Variants in SERAC1 observed in about 807,000 individuals in gnomAD.
SERAC1 encodes serine active site containing 1, also known as protein SERAC1.
Under a neutral mutation model 85.7 loss-of-function variants are expected in SERAC1, and 36 were observed. That is an observed-to-expected ratio of 0.42 (90% CI 0.32 to 0.55). The LOEUF (loss-of-function observed/expected upper bound fraction) is 0.55. SERAC1 is among the 20% of genes least tolerant of loss of function. SERAC1 has a pLI of 0.11. For missense variants in SERAC1, 629 were observed against 796.2 expected, an observed-to-expected ratio of 0.79 and a Z score of 2.53; for synonymous variants, 242 against 265.3, an observed-to-expected ratio of 0.91 and a Z score of 0.85.
chr6:158,124,930 A>G (rs1784507235), intron 10 of SERAC1, among the ~76,000 whole-genome samples: 1 of 152,238 alleles, frequency 6.6e-6, no homozygotes, highest in African/African-American at 2.4e-5. Context: ...ATACTAAAGG[A>G]AAGTCTTTAG....
chr6:158,116,298 A>C lies in SERAC1; in HGVS notation c.1404-16T>G. On this transcript the variant is annotated splice_polypyrimidine_tract_variant and intron_variant, in intron 13 of 16. Coordinates refer to ENST00000647468, the MANE Select transcript of SERAC1 (RefSeq NM_032861.4). ...AATGGACTTTCTGAACAAAACAAAA[A>C]CAGCAGGCATGACACAAGGCTATCG... 3 of 1,604,220 alleles carry C rather than the reference A, an allele frequency of 1.9e-6. No homozygotes were observed. The highest frequency in any genetic ancestry group is 2.6e-6 in the Non-Finnish European group (3 of 1,171,152).
At chr6:158,127,371 T>TGGG (rs1784567751) in intron 10 of SERAC1, among the ~76,000 whole-genome samples, 1 of 43,202 alleles carries the variant, frequency 2.3e-5, no homozygotes, top group African/African-American at 7.8e-5. Context: ...GGGAGGGAGG[T>TGGG]GGGGGGGTCA....
At chr6:158,128,389 G>T in intron 9 of SERAC1, 119 bp from the exon 10 acceptor site, 1 of 860,682 alleles carries the variant, frequency 1.2e-6, no homozygotes, top group Non-Finnish European at 1.8e-6. Context: ...GATGCAGGGA[G>T]ACTCCTCAAA....
At chr6:158,113,243 A>G (rs1784189298) in intron 16 of SERAC1, 2 of 513,208 alleles carry the variant, frequency 3.9e-6, no homozygotes, top group African/African-American at 3.8e-5. Context: ...AATCAGTTAC[A>G]TAAAGGGCAG....
At chr6:158,133,378 ATTT>A (rs767768720) in intron 8 of SERAC1, among the ~76,000 whole-genome samples, 175 of 66,402 alleles carry the variant, frequency 2.6e-3, no homozygotes, top group African/African-American at 0.012. Flanking sequence ...TCTGGTGTTA[ATTT>A]TTTTTTTTTT....
intron 2 of SERAC1, 48 bp downstream of exon 2, chr6:158,158,225 C>G (rs1217466409): frequency 7.1e-7 from 1 of 1,406,032 alleles, no homozygotes; most frequent in African/African-American, 1.4e-5. Context: ...GGCCACAATT[C>G]TATCACTGTT....
intron 3 of SERAC1, among the ~76,000 whole-genome samples, chr6:158,153,154 T>G (rs1018926050): frequency 1.3e-5 from 2 of 152,244 alleles, no homozygotes; most frequent in Non-Finnish European, 2.9e-5. Context: ...CACCTATATA[T>G]GCATCCTTAA....
chr6:158,164,304 T>C (rs1283354603), intron 1 of SERAC1, among the ~76,000 whole-genome samples: 4 of 151,750 alleles, frequency 2.6e-5, no homozygotes, highest in African/African-American at 9.7e-5. Flanking sequence ...TGAAACCCCA[T>C]CTCTACTAAA....
chr6:158,113,235 T>C, intron 16 of SERAC1: 1 of 497,292 alleles, frequency 2.0e-6, no homozygotes, highest in East Asian at 3.0e-5. Context: ...TCTCATCTAA[T>C]CAGTTACATA....
At position 158,120,642 on chromosome 6, in the gene SERAC1, T is replaced by C; in HGVS notation, c.1016-67A>G. On this transcript the variant is annotated intron_variant, in intron 10 of 16. Transcript: ENST00000647468. This position sits in a 1 kb window ranked among gnomAD's most constrained non-coding sequence, Gnocchi z 4.4. The stretch of plus-strand genomic sequence containing the variant: ...ATCGCAGACCACAGAGAGAGTGAGG[T>C]TTCAAACTGAATATGATGGGAGAAA... The C allele has an allele frequency of 5.2e-6, 8 of 1,527,498 alleles. No individual in the cohort carries two copies. The highest frequency in any genetic ancestry group is 7.1e-6 in the Non-Finnish European group (8 of 1,130,012). 94.6% of individuals were successfully genotyped at this position (1,527,498 alleles called of 1,614,324 possible). A position where few individuals can be genotyped will look rare whatever the true frequency, so the allele number is the denominator to read the frequency against.
At chr6:158,121,141 ATGTTTT>A (rs949122297) in intron 10 of SERAC1, among the ~76,000 whole-genome samples, 1 of 152,084 alleles carries the variant, frequency 6.6e-6, no homozygotes, top group South Asian at 2.1e-4. Context: ...CTTTTTTTTA[ATGTTTT>A]TGTTTTTAAA....
At chr6:158,114,698 A>AGATAATACATTCAAGGAATATAAAATGG in intron 15 of SERAC1, 91 bp downstream of exon 15, 4 of 1,586,856 alleles carry the variant, frequency 2.5e-6, no homozygotes, top group Non-Finnish European at 2.6e-6. Context: ...TTATAAAATG[A>AGATAATACATTCAAGGAATATAAAATGG]GATAATACAT....
intron 8 of SERAC1, among the ~76,000 whole-genome samples, chr6:158,133,049 G>A (rs570429854): frequency 3.3e-5 from 5 of 152,288 alleles, no homozygotes; most frequent in Non-Finnish European, 5.9e-5. Context: ...GCTCACGCCT[G>A]TAATCCCAAC....
In SERAC1 at chr6:158,118,949, G is replaced by T. The variant is rs1456761202; in HGVS notation, c.1308+80C>A. On this transcript the variant is annotated intron_variant, in intron 12 of 16. Transcript: ENST00000647468. ...CATGGGAAAAAAATCCCAGAACAAAGAGAAAAACAAGCAAGCCACAATCAG... is the reference window on the plus strand; with the variant it reads ...CATGGGAAAAAAATCCCAGAACAAATAGAAAAACAAGCAAGCCACAATCAG... 5.3e-6 allele frequency: 8 copies of T among 1,517,576 alleles called. No homozygotes were observed. The Admixed American group carries it at 8.7e-5, about 16-fold the overall frequency. The allele number at this position is 1,517,576 out of a possible 1,614,324, so 94.0% of individuals were successfully genotyped here.
At chr6:158,153,107 T>A (rs1785245034) in intron 3 of SERAC1, among the ~76,000 whole-genome samples, 1 of 152,230 alleles carries the variant, frequency 6.6e-6, no homozygotes, top group African/African-American at 2.4e-5. Flanking sequence ...TGATTCTGAT[T>A]TTTATTATAA....
At chr6:158,150,810 T>C (rs1371720845) in intron 3 of SERAC1, among the ~76,000 whole-genome samples, 2 of 152,230 alleles carry the variant, frequency 1.3e-5, no homozygotes, top group Non-Finnish European at 2.9e-5. Flanking sequence ...AAGATTATAA[T>C]GGAGCTAAAA....
intron 1 of SERAC1, among the ~76,000 whole-genome samples, chr6:158,163,936 C>T (rs1476868375): frequency 6.6e-6 from 1 of 151,824 alleles, no homozygotes; most frequent in South Asian, 2.1e-4. Flanking sequence ...AGGGTTTCAC[C>T]ATCTTGGCCA....
intron 8 of SERAC1, 49 bp downstream of exon 8, chr6:158,143,007 G>C (rs1292071733): frequency 1.4e-6 from 2 of 1,462,014 alleles, no homozygotes; most frequent in South Asian, 2.4e-5. Flanking sequence ...CAATACATTG[G>C]AAAGGGTGGA....
At position 158,143,127 on chromosome 6, in the gene SERAC1, G is replaced by T; in HGVS notation, c.667C>A (p.Leu223Ile). Reference protein sequence around the residue: ...QLLASLPQTELDECIQYFTSL... With the variant: ...QLLASLPQTEIDECIQYFTSL... ...GTAAAATACTGGATACACTCATCTA[G>T]CTCTGTTTGAGGTAAGGAAGCCAGC... Residue 223 changes from leucine to isoleucine, a missense_variant, in exon 8 of 17, where the codon CTA becomes ATA. Transcript: ENST00000647468. 1 of 1,613,572 alleles carries T rather than the reference G, an allele frequency of 6.2e-7. No individual in the cohort carries two copies. Among genetic ancestry groups the T allele is most frequent in the Non-Finnish European group, 8.5e-7 (1 of 1,179,642 alleles).
Sources: allele counts gnomAD v4.1 joint callset (sites outside exome capture counted in the v4.1 genomes callset), GRCh38; gene constraint gnomAD v4.1.1; non-coding constraint Gnocchi (gnomAD v3.1); transcripts MANE v1.5; gene names NCBI Gene and HGNC (gene_info 2026-07-23, HGNC 2026-07-21).